EML4: variants seen among roughly 807,000 people sequenced by gnomAD.
EML4 encodes the protein EMAP like 4.
EML4 carries 72 observed loss-of-function variants against 129.0 expected under a neutral mutation model. The ratio of observed to expected loss-of-function variants is 0.56; its 90% CI spans 0.46 to 0.68. The LOEUF (loss-of-function observed/expected upper bound fraction) is 0.68, where lower values mean the gene tolerates loss of function less well. Among genes scored for constraint, EML4 ranks in the 30% least tolerant of loss-of-function variants. The probability of loss-of-function intolerance (pLI) is 0.00; values close to 1 mark genes in which losing one functional copy is unlikely to be tolerated. For missense variants in EML4, 1,363 were observed against 1,190.6 expected, an observed-to-expected ratio of 1.14 and a Z score of -2.13; for synonymous variants, 532 against 405.0, an observed-to-expected ratio of 1.31 and a Z score of -3.77.
chr2:42,169,595 G>T lies in EML4; in HGVS notation c.-17G>T. ...GCCCGCCCCTCTAAGCCCGGAGCCC[G>T]GCGCTTTCCCCGCAAGATGGACGGT... On this transcript the variant is annotated 5_prime_UTR_variant, in exon 1 of 23. Coordinates refer to ENST00000318522, the MANE Select transcript of EML4 (RefSeq NM_019063.5). 6.3e-7 allele frequency: 1 copy of T among 1,598,836 alleles called. No homozygotes were observed.
chr2:42,292,335 G>A (rs1227603233), intron 11 of EML4, among the ~76,000 whole-genome samples: 2 of 152,178 alleles, frequency 1.3e-5, no homozygotes, highest in Non-Finnish European at 2.9e-5. Flanking sequence ...AAATAGCAGT[G>A]CTGTTTATGG....
Position 42,330,159 on chromosome 2 carries a change from C to T in EML4, c.2898C>T (p.Ala966=). 6.2e-7 allele frequency: 1 copy of T among 1,612,132 alleles called. No individual in the cohort carries two copies. Among genetic ancestry groups the T allele is most frequent in the Non-Finnish European group, 8.5e-7 (1 of 1,179,668 alleles). The part of the protein sequence containing the change: ...EPCNEISKEQ[A]KATLLEDQQD... The stretch of plus-strand genomic sequence containing the variant: ...GCAACGAGATAAGCAAGGAGCAGGC[C>T]AAAGCCACCCTTCTGGAGGACCAGC... The change falls in exon 23 of 23, where the codon GCC becomes GCT. Residue 966 remains alanine, a synonymous_variant. Coordinates refer to ENST00000318522, the MANE Select transcript of EML4 (RefSeq NM_019063.5).
chr2:42,221,740 A>G (rs907397405), intron 1 of EML4, among the ~76,000 whole-genome samples: 3 of 151,822 alleles, frequency 2.0e-5, no homozygotes, highest in Admixed American at 2.0e-4. Context: ...GGTAGCTGGG[A>G]TTATAGGTGC....
intron 1 of EML4, among the ~76,000 whole-genome samples, chr2:42,205,299 A>C (rs560285241): frequency 6.6e-6 from 1 of 152,332 alleles, no homozygotes; most frequent in African/African-American, 2.4e-5. Flanking sequence ...TAAAATGCTT[A>C]ATGAAAACTT....
At chr2:42,226,768 T>C (rs1383809694) in intron 1 of EML4, among the ~76,000 whole-genome samples, 1 of 152,176 alleles carries the variant, frequency 6.6e-6, no homozygotes, top group East Asian at 1.9e-4. Context: ...CTACGTGAGA[T>C]AATGCATATG....
intron 19 of EML4, among the ~76,000 whole-genome samples, chr2:42,323,009 A>G (rs569831923): frequency 1.3e-5 from 2 of 149,344 alleles, no homozygotes; most frequent in African/African-American, 4.8e-5. Flanking sequence ...TCTGAAAATA[A>G]TCTGTGTCCA....
intron 19 of EML4, among the ~76,000 whole-genome samples, chr2:42,320,738 T>G (rs997564362): frequency 3.3e-5 from 5 of 152,318 alleles, no homozygotes; most frequent in South Asian, 2.1e-4. Context: ...ATATTAAGGT[T>G]GTTTTATTAT....
intron 10 of EML4, among the ~76,000 whole-genome samples, chr2:42,287,046 A>G (rs1177719390): frequency 1.3e-5 from 2 of 152,192 alleles, no homozygotes; most frequent in African/African-American, 2.4e-5. Flanking sequence ...ATTTTAGGAT[A>G]CATACTTTTT....
rs199870654 is a variant in EML4, at chr2:42,264,756, T to G, written c.667+25T>G. On this transcript the variant is annotated intron_variant, in intron 6 of 22. Transcript: ENST00000318522. ...GGTAAATTAAAAATCCTTTTAAAAATTTTATTTTGCCCTTCTTAGTTTAAT... is the reference window on the plus strand; with the variant it reads ...GGTAAATTAAAAATCCTTTTAAAAAGTTTATTTTGCCCTTCTTAGTTTAAT... 5.4e-5 allele frequency: 79 copies of G among 1,465,306 alleles called. 1 individual carries two copies. The African/African-American group carries it at 1.0e-3, about 19-fold the overall frequency. The allele number at this position is 1,465,306 out of a possible 1,614,324, so 90.8% of individuals were successfully genotyped here. A position where few individuals can be genotyped will look rare whatever the true frequency, so the allele number is the denominator to read the frequency against.
In EML4 at chr2:42,282,948, T is replaced by C; in HGVS notation, c.917T>C (p.Leu306Pro). 1.9e-6 allele frequency: 3 copies of C among 1,613,672 alleles called. No homozygotes were observed. Among genetic ancestry groups the C allele is most frequent in the Non-Finnish European group, 2.5e-6 (3 of 1,179,802 alleles). Reference sequence around the variant, plus strand: ...GAGGAGAGAACTCAGCGACACTACCTGGGCCATACAGACTGTGTGAAATGG... The same window carrying C: ...GAGGAGAGAACTCAGCGACACTACCCGGGCCATACAGACTGTGTGAAATGG... Reference protein sequence around the residue: ...NYEERTQRHYLGHTDCVKCLA... With the variant: ...NYEERTQRHYPGHTDCVKCLA... Residue 306 changes from leucine to proline, a missense_variant, in exon 8 of 23, where the codon CTG becomes CCG. Physicochemically the swap from Leu to Pro is moderately conservative, Grantham distance 98. Coordinates refer to ENST00000318522, the MANE Select transcript of EML4 (RefSeq NM_019063.5).
chr2:42,194,736 T>C (rs781125544), intron 1 of EML4, among the ~76,000 whole-genome samples: 3 of 152,056 alleles, frequency 2.0e-5, no homozygotes, highest in Admixed American at 2.0e-4. Context: ...GGTCTCGAAC[T>C]CCTGGGCTCG....
chr2:42,226,491 C>G (rs1037784533), intron 1 of EML4, among the ~76,000 whole-genome samples: 5 of 151,478 alleles, frequency 3.3e-5, no homozygotes, highest in African/African-American at 1.2e-4. Flanking sequence ...AACCCTGTCT[C>G]TACTAAAAAT....
intron 1 of EML4, among the ~76,000 whole-genome samples, chr2:42,194,416 C>T (rs1671782745): frequency 1.5e-5 from 2 of 135,864 alleles, no homozygotes; most frequent in South Asian, 4.6e-4. Context: ...AATTTTTTGT[C>T]AGAAAATATT....
chr2:42,193,891 G>A (rs189993033), intron 1 of EML4, among the ~76,000 whole-genome samples: 76 of 152,134 alleles, frequency 5.0e-4, no homozygotes, highest in African/African-American at 1.7e-3. Flanking sequence ...TCACTATGTT[G>A]CCTGTACTGT....
chr2:42,228,289 C>T (rs1271768110), intron 1 of EML4, among the ~76,000 whole-genome samples: 1 of 151,958 alleles, frequency 6.6e-6, no homozygotes, highest in East Asian at 1.9e-4. Context: ...GAATTCTCCT[C>T]ATAGAAAAAT....
intron 8 of EML4, 63 bp from the exon 9 acceptor site, chr2:42,284,571 A>G: frequency 8.4e-7 from 1 of 1,186,910 alleles, no homozygotes; most frequent in Non-Finnish European, 1.2e-6. Flanking sequence ...AAATGTCAGT[A>G]CAAAGGTATT....
chr2:42,273,159 TTTAG>T (rs1486086758), intron 6 of EML4, among the ~76,000 whole-genome samples: 2 of 152,178 alleles, frequency 1.3e-5, no homozygotes, highest in African/African-American at 2.4e-5. Context: ...TTTTCATTTA[TTTAG>T]TGCTTTAAAT....
At chr2:42,238,914 T>C (rs1337249868) in intron 1 of EML4, among the ~76,000 whole-genome samples, 2 of 152,162 alleles carry the variant, frequency 1.3e-5, no homozygotes, top group South Asian at 2.1e-4. Context: ...ACTGGGACTA[T>C]AGGTGTGTGC....
At chr2:42,231,865 C>T (rs1427399665) in intron 1 of EML4, among the ~76,000 whole-genome samples, 2 of 151,928 alleles carry the variant, frequency 1.3e-5, no homozygotes, top group African/African-American at 2.4e-5. Flanking sequence ...GGGAGAATGG[C>T]GTGAACCCGG....
Sources: allele counts gnomAD v4.1 joint callset (sites outside exome capture counted in the v4.1 genomes callset), GRCh38; gene constraint gnomAD v4.1.1; transcripts MANE v1.5; gene names NCBI Gene and HGNC (gene_info 2026-07-23, HGNC 2026-07-21).